ARSF: variants seen among roughly 807,000 people sequenced by gnomAD.
ARSF encodes the protein arylsulfatase F.
Under a neutral mutation model 35.4 loss-of-function variants are expected in ARSF, and 33 were observed. That is an observed-to-expected ratio of 0.93 (90% CI 0.71 to 1.25). The LOEUF (loss-of-function observed/expected upper bound fraction) is 1.25, where lower values mean the gene tolerates loss of function less well. ARSF is among the 50% of genes most tolerant of loss of function. The probability of loss-of-function intolerance (pLI) is 0.00; values close to 1 mark genes in which losing one functional copy is unlikely to be tolerated. For synonymous variants in ARSF, 222 were observed against 193.1 expected (o/e 1.15, Z -1.24); for missense variants, 501 against 480.2 (o/e 1.04, Z -0.40).
intron 7 of ARSF, among the ~76,000 whole-genome samples, chrX:3,099,132 A>G (rs2090359155): frequency 9.0e-6 from 1 of 111,512 alleles, no homozygotes; most frequent in African/African-American, 3.3e-5. Context: ...TATGATGTTC[A>G]TTAAATTTAG....
chrX:3,090,574 G>A (rs982578042), intron 7 of ARSF, among the ~76,000 whole-genome samples: 6 of 112,051 alleles, frequency 5.4e-5, no homozygotes, highest in African/African-American at 1.9e-4. Context: ...AGACTGAAGC[G>A]GGAGGATTGC....
At chrX:3,092,208 CATAG>C (rs755222292) in intron 7 of ARSF, among the ~76,000 whole-genome samples, 62 of 103,969 alleles carry the variant, frequency 6.0e-4, no homozygotes, top group African/African-American at 1.4e-3. Flanking sequence ...TACATACATA[CATAG>C]ATACATAGAT....
chrX:3,067,464 T>G (rs1330436445), intron 1 of ARSF, among the ~76,000 whole-genome samples: 1 of 111,254 alleles, frequency 9.0e-6, no homozygotes, highest in Non-Finnish European at 1.9e-5. Flanking sequence ...CTTTCCTTAT[T>G]CAGGACACAG....
At chrX:3,063,936 A>C (rs770689816) in intron 1 of ARSF, among the ~76,000 whole-genome samples, 51 of 112,303 alleles carry the variant, frequency 4.5e-4, no homozygotes, top group Admixed American at 4.5e-3. Flanking sequence ...CTTTCTTCAC[A>C]GAATTGGGAA....
rs191096751 is a variant in ARSF at position 3,103,890 on chromosome X, G to A, written c.1231G>A (p.Ala411Thr). Reference protein sequence around the residue: ...TSLMDILPTVASVSGGSLPQD... With the variant: ...TSLMDILPTVTSVSGGSLPQD... ...TTTAATGGATATTTTACCAACTGTCGCATCAGTGTCAGGAGGAAGTCTCCC... is the reference window on the plus strand; with the variant it reads ...TTTAATGGATATTTTACCAACTGTCACATCAGTGTCAGGAGGAAGTCTCCC... The change falls in exon 9 of 11, where the codon GCA becomes ACA. Residue 411 changes from alanine to threonine, a missense_variant. Ala to Thr is a moderately conservative substitution (Grantham distance 58). Transcript: ENST00000381127. The A allele has an allele frequency of 3.6e-5, 44 of 1,209,363 alleles. No homozygotes were observed. The highest frequency in any genetic ancestry group is 1.4e-4 in the South Asian group (8 of 56,732).
At chrX:3,102,711 G>A (rs1281821975) in intron 8 of ARSF, among the ~76,000 whole-genome samples, 1 of 111,524 alleles carries the variant, frequency 9.0e-6, no homozygotes, top group Non-Finnish European at 1.9e-5. Flanking sequence ...TCAAGAGATC[G>A]AGACCATCTG....
intron 1 of ARSF, among the ~76,000 whole-genome samples, chrX:3,053,836 A>G (rs915301532): frequency 1.1e-5 from 1 of 93,422 alleles, no homozygotes; most frequent in Admixed American, 1.3e-4. Flanking sequence ...ATCTTGGTTT[A>G]CTGCAACCTC....
intron 3 of ARSF, among the ~76,000 whole-genome samples, chrX:3,076,211 C>T (rs1462835407): frequency 9.2e-6 from 1 of 108,200 alleles, no homozygotes; most frequent in African/African-American, 3.4e-5. Context: ...CTGTTTGTCT[C>T]TCTCTTTCCA....
chrX:3,080,431 A>G (rs1471300211), intron 4 of ARSF, among the ~76,000 whole-genome samples: 1 of 107,307 alleles, frequency 9.3e-6, no homozygotes, highest in African/African-American at 3.4e-5. Context: ...CTGAGATGGC[A>G]CTGCTGCACT....
chrX:3,100,671 C>T (rs2090369680), intron 7 of ARSF, among the ~76,000 whole-genome samples: 1 of 111,573 alleles, frequency 9.0e-6, no homozygotes, highest in Non-Finnish European at 1.9e-5. Context: ...GATCTGAGCT[C>T]TCTGCAACCT....
chrX:3,085,828 T>G (rs772374732), intron 6 of ARSF, among the ~76,000 whole-genome samples: 1 of 110,768 alleles, frequency 9.0e-6, no homozygotes, highest in Admixed American at 9.7e-5. Flanking sequence ...GGCTCAGCAC[T>G]CTGGGAGGCC....
At chrX:3,069,355 G>A (rs958002228) in intron 2 of ARSF, among the ~76,000 whole-genome samples, 2 of 110,163 alleles carry the variant, frequency 1.8e-5, no homozygotes, top group African/African-American at 3.3e-5. Context: ...TGAGGGTCTC[G>A]TCCTGTAGCC....
intron 7 of ARSF, among the ~76,000 whole-genome samples, chrX:3,091,445 C>A (rs1447224561): frequency 8.9e-6 from 1 of 112,122 alleles, no homozygotes; most frequent in African/African-American, 3.2e-5. Flanking sequence ...CTTTAATTTT[C>A]CAACATTAAT....
In ARSF at chrX:3,112,576, G is replaced by A. The variant is rs781681588; in HGVS notation, c.*20G>A. ...AGATAATTACAATCAGGCTACCAGA[G>A]GAAGCCTTTGGTCCTAACGAGAAGA... On this transcript the variant is annotated 3_prime_UTR_variant, in exon 11 of 11. Coordinates refer to ENST00000381127, the MANE Select transcript of ARSF (RefSeq NM_001201539.2). 1 of 1,178,533 alleles carries A rather than the reference G, an allele frequency of 8.5e-7. No individual in the cohort carries two copies. The highest frequency in any genetic ancestry group is 1.1e-6 in the Non-Finnish European group (1 of 881,862).
chrX:3,083,545 T>A (rs866709922), intron 5 of ARSF, among the ~76,000 whole-genome samples: 1 of 106,809 alleles, frequency 9.4e-6, no homozygotes, highest in East Asian at 3.0e-4. Flanking sequence ...CATCCATCCA[T>A]CCAACCACTC....
chrX:3,100,562 A>C (rs1467518140), intron 7 of ARSF, among the ~76,000 whole-genome samples: 1 of 111,010 alleles, frequency 9.0e-6, no homozygotes, highest in African/African-American at 3.3e-5. Flanking sequence ...GTCATCTTTT[A>C]TTTCTTAAAA....
chrX:3,092,381 C>A (rs1035393723), intron 7 of ARSF, among the ~76,000 whole-genome samples: 1 of 111,583 alleles, frequency 9.0e-6, no homozygotes, highest in Admixed American at 9.5e-5. Flanking sequence ...CAAACTCAGG[C>A]TGTGATAAGT....
chrX:3,050,570 G>C (rs1240404489), intron 1 of ARSF, among the ~76,000 whole-genome samples: 1 of 108,040 alleles, frequency 9.3e-6, no homozygotes, highest in East Asian at 2.9e-4. Flanking sequence ...AAAAGTTTTA[G>C]AGCAGGAATG....
intron 1 of ARSF, among the ~76,000 whole-genome samples, chrX:3,057,734 A>C (rs1381317022): frequency 8.9e-6 from 1 of 112,099 alleles, no homozygotes; most frequent in Non-Finnish European, 1.9e-5. Context: ...TAGACATGCT[A>C]TCAATTTCCT....
Sources: gnomAD v4.1 joint callset for allele counts (sites outside exome capture counted in the v4.1 genomes callset) on GRCh38, gnomAD v4.1.1 for gene constraint, MANE v1.5 for transcripts, NCBI Gene and HGNC (gene_info 2026-07-23, HGNC 2026-07-21) for gene names.